Variants in DRAXIN observed in about 807,000 individuals in gnomAD.
DRAXIN encodes the protein dorsal repulsive axon guidance protein.
DRAXIN carries 27 observed loss-of-function variants against 33.9 expected under a neutral mutation model. That is an observed-to-expected ratio of 0.80 (90% CI 0.59 to 1.10). DRAXIN has a LOEUF of 1.10. DRAXIN is among the 50% of genes least tolerant of loss of function. The pLI, the probability that DRAXIN is intolerant of heterozygous loss-of-function variation, is 0.00. For synonymous variants in DRAXIN, 178 were observed against 194.0 expected (o/e 0.92, Z 0.69); for missense variants, 371 against 460.8 (o/e 0.81, Z 1.78).
chr1:11,715,127 T>C lies in DRAXIN; in HGVS notation c.856T>C (p.Cys286Arg). Residue 286 changes from cysteine to arginine, a missense_variant, in exon 6 of 7, where the codon TGC becomes CGC. By Grantham distance (180) the Cys-to-Arg change is radical (BLOSUM62 -3). Coordinates refer to ENST00000294485, the MANE Select transcript of DRAXIN (RefSeq NM_198545.4). ...HHQDCLPGTC[C>R]DLREHLCTPH... ...GCTCTCTGTGTTGGCAGGGACTTGCTGCGACCTGCGGGAGCATCTCTGCAC... is the reference window on the plus strand; with the variant it reads ...GCTCTCTGTGTTGGCAGGGACTTGCCGCGACCTGCGGGAGCATCTCTGCAC... 1.9e-6 allele frequency: 3 copies of C among 1,614,262 alleles called. No homozygotes were observed. Among genetic ancestry groups the C allele is most frequent in the Non-Finnish European group, 2.5e-6 (3 of 1,180,054 alleles).
Position 11,709,476 on chromosome 1 carries a change from C to A in DRAXIN, c.642+11C>A. 1 of 1,609,102 alleles carries A rather than the reference C, an allele frequency of 6.2e-7. No homozygotes were observed. Among genetic ancestry groups the A allele is most frequent in the Non-Finnish European group, 8.5e-7 (1 of 1,177,674 alleles). On this transcript the variant is annotated intron_variant, in intron 3 of 6. Coordinates refer to ENST00000294485, the MANE Select transcript of DRAXIN (RefSeq NM_198545.4). ...TCCCTGCGGCCCCAGGTAAGGGGTC[C>A]CCAAACAGCCTCGGATCTGGAAGGG... is the stretch of plus-strand genomic sequence containing the variant.
rs1165273472 is a variant in DRAXIN at position 11,692,536 on chromosome 1, C to A, written c.-11+683C>A. Among the ~76,000 whole-genome samples the A allele has an allele frequency of 2.6e-5, 4 of 152,214 alleles. No homozygotes were observed. The highest frequency in any genetic ancestry group is 5.9e-5 in the Non-Finnish European group (4 of 68,044). On this transcript the variant is annotated intron_variant, in intron 1 of 6. Coordinates refer to ENST00000294485, the MANE Select transcript of DRAXIN (RefSeq NM_198545.4). The surrounding 1 kb of genome is among the most constrained non-coding windows in gnomAD (Gnocchi z 5.8). ...CCGCTCTGTCCCTCCTGCTCCCCACCGCCGGCTTTTGGCTTTTCTCCGTCC... is the reference window on the plus strand; with the variant it reads ...CCGCTCTGTCCCTCCTGCTCCCCACAGCCGGCTTTTGGCTTTTCTCCGTCC...
Position 11,705,368 on chromosome 1 carries a change from G to A in DRAXIN, c.-10-881G>A, listed in dbSNP as rs1641362688. Among the ~76,000 whole-genome samples the A allele has an allele frequency of 6.6e-6, 1 of 152,080 alleles. No individual in the cohort carries two copies. Among genetic ancestry groups the A allele is most frequent in the South Asian group, 2.1e-4 (1 of 4,824 alleles). ...CTGAGCTGCAGCTTCTCCCTCCAGT[G>A]TGGAGGGAGGGCACTGGGTCCCCTG... On this transcript the variant is annotated intron_variant, in intron 1 of 6. Transcript: ENST00000294485. This position sits in a 1 kb window ranked among gnomAD's most constrained non-coding sequence, Gnocchi z 4.8.
chr1:11,710,685 C>T (rs35457745), intron 3 of DRAXIN, among the ~76,000 whole-genome samples: 15 of 148,218 alleles, frequency 1.0e-4, no homozygotes, highest in East Asian at 1.0e-3. Context: ...GAGGCCAAGG[C>T]GGGCAGATCA....
At chr1:11,698,663 G>C (rs1454576438) in intron 1 of DRAXIN, among the ~76,000 whole-genome samples, 1 of 152,156 alleles carries the variant, frequency 6.6e-6, no homozygotes, top group Non-Finnish European at 1.5e-5. Context: ...GACCAGCCTG[G>C]GCAACATAGG....
chr1:11,690,734 A>G (rs936801725), upstream of DRAXIN, among the ~76,000 whole-genome samples: 4 of 152,014 alleles, frequency 2.6e-5, no homozygotes, highest in African/African-American at 9.7e-5. The surrounding 1 kb of genome is among the most constrained non-coding windows in gnomAD (Gnocchi z 4.2). Context: ...CCGTGGCCCC[A>G]CCGACCCCGT....
At chr1:11,700,716 G>C (rs1570308907) in intron 1 of DRAXIN, among the ~76,000 whole-genome samples, 1 of 152,180 alleles carries the variant, frequency 6.6e-6, no homozygotes. Context: ...TTCTCCCCGT[G>C]GGGGGTTGCC....
At chr1:11,708,727 C>T (rs993141380) in intron 2 of DRAXIN, among the ~76,000 whole-genome samples, 9 of 152,166 alleles carry the variant, frequency 5.9e-5, no homozygotes, top group African/African-American at 1.9e-4. Flanking sequence ...AGTAGTTAGA[C>T]GAAATAACAC....
chr1:11,714,016 C>G (rs1357408755), intron 5 of DRAXIN, among the ~76,000 whole-genome samples: 1 of 151,972 alleles, frequency 6.6e-6, no homozygotes, highest in Non-Finnish European at 1.5e-5. Context: ...GAGCGAGACT[C>G]TGTCTCAAAA....
rs755382256 is a variant in DRAXIN at position 11,705,058 on chromosome 1, G to A, written c.-10-1191G>A. Among the ~76,000 whole-genome samples, 7 of 152,244 alleles carry A rather than the reference G, an allele frequency of 4.6e-5. No individual in the cohort carries two copies. Among genetic ancestry groups the A allele is most frequent in the Non-Finnish European group, 8.8e-5 (6 of 68,046 alleles). On this transcript the variant is annotated intron_variant, in intron 1 of 6. Transcript: ENST00000294485. This position sits in a 1 kb window ranked among gnomAD's most constrained non-coding sequence, Gnocchi z 4.8. ...GGGCCAGCCAGCATGGGGGCCGCAGGGAGAGGCGCCGGGAAGCAGGGAAAC... is the reference window on the plus strand; with the variant it reads ...GGGCCAGCCAGCATGGGGGCCGCAGAGAGAGGCGCCGGGAAGCAGGGAAAC...
intron 1 of DRAXIN, among the ~76,000 whole-genome samples, chr1:11,700,719 G>A (rs1641258289): frequency 6.6e-6 from 1 of 152,214 alleles, no homozygotes; most frequent in Non-Finnish European, 1.5e-5. Context: ...TCCCCGTGGG[G>A]GGTTGCCTGC....
At position 11,696,710 on chromosome 1, in the gene DRAXIN, G is replaced by A. The variant is rs9430617; in HGVS notation, c.-11+4857G>A. 0.39 allele frequency among the ~76,000 whole-genome samples: 59,968 copies of A among 151,864 alleles called. 12,233 individuals carry two copies. Among genetic ancestry groups the A allele is most frequent in the Middle Eastern group, 0.49 (144 of 294 alleles). The stretch of plus-strand genomic sequence containing the variant: ...TGTACTAAAAATGCAAAAATTAGCC[G>A]GGCGTGGTGGTGTGCACCTGTAGTC... On this transcript the variant is annotated intron_variant, in intron 1 of 6. Transcript: ENST00000294485. The surrounding 1 kb of genome is among the most constrained non-coding windows in gnomAD (Gnocchi z 4.7).
chr1:11,714,771 T>C (rs1431985247), intron 5 of DRAXIN, among the ~76,000 whole-genome samples: 2 of 152,222 alleles, frequency 1.3e-5, no homozygotes, highest in Admixed American at 1.3e-4. Context: ...GACATTGGTT[T>C]TGGGGATCCT....
Position 11,705,328 on chromosome 1 carries a change from C to T in DRAXIN, c.-10-921C>T, listed in dbSNP as rs780611517. On this transcript the variant is annotated intron_variant, in intron 1 of 6. Coordinates refer to ENST00000294485, the MANE Select transcript of DRAXIN (RefSeq NM_198545.4). The surrounding 1 kb of genome is among the most constrained non-coding windows in gnomAD (Gnocchi z 4.8). ...CAGGAGGTCTCCAGAGTCTGACAGA[C>T]GCCCCCACCATCCCCTGAGCTGCAG... Among the ~76,000 whole-genome samples the T allele has an allele frequency of 1.3e-5, 2 of 152,076 alleles. No individual in the cohort carries two copies. The highest frequency in any genetic ancestry group is 1.5e-5 in the Non-Finnish European group (1 of 68,008).
Position 11,719,724 on chromosome 1 carries a change from C to G in DRAXIN, c.*28C>G. The G allele has an allele frequency of 6.3e-7, 1 of 1,597,748 alleles. No individual in the cohort carries two copies. Reference sequence around the variant, plus strand: ...GCCCCGCGGGACTGGGGACTGAGCCCAGGAGGTTTGCACAAGCCGGGCGAT... The same window carrying G: ...GCCCCGCGGGACTGGGGACTGAGCCGAGGAGGTTTGCACAAGCCGGGCGAT... On this transcript the variant is annotated 3_prime_UTR_variant, in exon 7 of 7. Coordinates refer to ENST00000294485, the MANE Select transcript of DRAXIN (RefSeq NM_198545.4).
At chr1:11,702,136 CGT>C (rs1641297986) in intron 1 of DRAXIN, among the ~76,000 whole-genome samples, 1 of 150,406 alleles carries the variant, frequency 6.6e-6, no homozygotes, top group African/African-American at 2.5e-5. Context: ...CACACTCATA[CGT>C]ACACGCCCAC....
At position 11,691,763 on chromosome 1, in the gene DRAXIN, G is replaced by C. The variant is rs893804553; in HGVS notation, c.-101G>C. On this transcript the variant is annotated 5_prime_UTR_variant, in exon 1 of 7. Transcript: ENST00000294485. ...GGCTGCCCGCGCACCTCTCCACGCC[G>C]GCCCCGTTCCGCGGCTCGCCCTCGG... The C allele has an allele frequency of 6.9e-6, 1 of 145,412 alleles. No individual in the cohort carries two copies. Among genetic ancestry groups the C allele is most frequent in the African/African-American group, 2.5e-5 (1 of 39,732 alleles). The allele number at this position is 145,412 out of a possible 1,614,324, so 9.0% of individuals were successfully genotyped here. A position where few individuals can be genotyped will look rare whatever the true frequency, so the allele number is the denominator to read the frequency against.
chr1:11,687,249 T>C (rs1640974242), upstream of DRAXIN, among the ~76,000 whole-genome samples: 1 of 152,066 alleles, frequency 6.6e-6, no homozygotes, highest in South Asian at 2.1e-4. This position sits in a 1 kb window ranked among gnomAD's most constrained non-coding sequence, Gnocchi z 4.1. Context: ...TTTCATTTAT[T>C]TCTTTTTTGA....
At chr1:11,711,177 C>T (rs1641489426) in intron 3 of DRAXIN, among the ~76,000 whole-genome samples, 1 of 152,138 alleles carries the variant, frequency 6.6e-6, no homozygotes, top group South Asian at 2.1e-4. Flanking sequence ...CTTTCTTATC[C>T]TTTTTTGGGG....
Sources: gnomAD v4.1 joint callset for allele counts (sites outside exome capture counted in the v4.1 genomes callset) on GRCh38, gnomAD v4.1.1 for gene constraint, Gnocchi (gnomAD v3.1) non-coding constraint, MANE v1.5 for transcripts, NCBI Gene and HGNC (gene_info 2026-07-23, HGNC 2026-07-21) for gene names.